The following LINC00632 variants were observed in gnomAD, a reference collection of about 807,000 sequenced individuals.
The protein encoded by LINC00632 is ALDOA related specific transcript.
At chrX:140,787,457 T>A (rs1932035022) in exon 5 of LINC00632, among the ~76,000 whole-genome samples, 1 of 111,877 alleles carries the variant, frequency 8.9e-6, no homozygotes, top group Admixed American at 9.6e-5. Flanking sequence ...TATAAAAACT[T>A]CTGTGATCAG....
At chrX:140,755,751 GC>G (rs1931482924) in intron 3 of LINC00632, among the ~76,000 whole-genome samples, 1 of 111,280 alleles carries the variant, frequency 9.0e-6, no homozygotes, top group Non-Finnish European at 1.9e-5. Flanking sequence ...CTTAGACTCA[GC>G]CTATCTCCAT....
chrX:140,724,924 C>T (rs1930906175), intron 2 of LINC00632, among the ~76,000 whole-genome samples: 1 of 46,013 alleles, frequency 2.2e-5, no homozygotes, highest in Non-Finnish European at 4.1e-5. Flanking sequence ...TACACATACA[C>T]ATTCCGTATA....
chrX:140,731,738 G>A (rs1336102691), intron 2 of LINC00632, among the ~76,000 whole-genome samples: 1 of 64,292 alleles, frequency 1.6e-5, no homozygotes, highest in African/African-American at 1.5e-4. Context: ...GTAAACATAA[G>A]GACAAAACGT....
exon 5 of LINC00632, chrX:140,783,677 T>G: frequency 8.3e-7 from 1 of 1,211,358 alleles, no homozygotes; most frequent in Non-Finnish European, 1.1e-6. Context: ...AGTCAGTCAG[T>G]GTCTTCCAGA....
intron 2 of LINC00632, among the ~76,000 whole-genome samples, chrX:140,728,448 T>G (rs745397342): frequency 3.2e-4 from 35 of 109,010 alleles, no homozygotes; most frequent in African/African-American, 1.2e-3. Context: ...CAAAAAACCA[T>G]GTGCCCCCCA....
intron 3 of LINC00632, among the ~76,000 whole-genome samples, chrX:140,753,332 T>C (rs1335579818): frequency 8.9e-6 from 1 of 112,140 alleles, no homozygotes; most frequent in African/African-American, 3.2e-5. Flanking sequence ...CAAATATCTA[T>C]GGGCACTTTC....
chrX:140,783,034 C>T (rs1931957041), exon 5 of LINC00632: 1 of 113,975 alleles, frequency 8.8e-6, no homozygotes, highest in Non-Finnish European at 1.8e-5. Context: ...CCAGAGATTT[C>T]AGTGTCTATG....
exon 5 of LINC00632, among the ~76,000 whole-genome samples, chrX:140,787,319 T>C (rs962079603): frequency 8.9e-6 from 1 of 111,855 alleles, no homozygotes; most frequent in Non-Finnish European, 1.9e-5. Context: ...TATTTCTTTC[T>C]TACACTTAAT....
chrX:140,755,166 C>A (rs1009274953), intron 3 of LINC00632, among the ~76,000 whole-genome samples: 1 of 111,939 alleles, frequency 8.9e-6, no homozygotes, highest in Admixed American at 9.5e-5. Context: ...AACTTCCTGA[C>A]ACTACAGGTG....
At chrX:140,778,722 G>C (rs574930897) in exon 5 of LINC00632, among the ~76,000 whole-genome samples, 41 of 110,777 alleles carry the variant, frequency 3.7e-4, no homozygotes, top group Non-Finnish European at 7.7e-4. Context: ...AGAAATAAAA[G>C]GTTAAATTGA....
intron 3 of LINC00632, among the ~76,000 whole-genome samples, chrX:140,744,800 C>A (rs1177159416): frequency 1.8e-5 from 2 of 110,205 alleles, no homozygotes; most frequent in African/African-American, 6.6e-5. Context: ...GAACTCCTGA[C>A]CTTGTGATCC....
chrX:140,711,261 C>T (rs1459145559), intron 1 of LINC00632, among the ~76,000 whole-genome samples: 4 of 110,842 alleles, frequency 3.6e-5, no homozygotes, highest in African/African-American at 1.3e-4. Flanking sequence ...TAAAAATTAC[C>T]CATAATCCCG....
At chrX:140,787,843 A>C (rs1932039190) in exon 5 of LINC00632, among the ~76,000 whole-genome samples, 1 of 110,500 alleles carries the variant, frequency 9.0e-6, no homozygotes, top group Non-Finnish European at 1.9e-5. Flanking sequence ...AAAACTAAAT[A>C]CCTTCGGGAA....
chrX:140,784,421 G>T, exon 5 of LINC00632: 1 of 1,167,183 alleles, frequency 8.6e-7, no homozygotes. Context: ...ACTAAGCTAC[G>T]TCTTCCAACA....
At chrX:140,758,971 T>C (rs1316625761) in intron 3 of LINC00632, among the ~76,000 whole-genome samples, 1 of 103,870 alleles carries the variant, frequency 9.6e-6, no homozygotes, top group East Asian at 3.0e-4. Context: ...TTTCTTTTTT[T>C]TTTTTTTTTT....
intron 3 of LINC00632, among the ~76,000 whole-genome samples, chrX:140,768,828 T>TTA (rs953593228): frequency 8.8e-5 from 9 of 102,229 alleles, no homozygotes; most frequent in Non-Finnish European, 1.8e-4. Flanking sequence ...TTTGTATATA[T>TTA]TATATATATA....
At chrX:140,786,568 CTT>C (rs1179757183) in exon 5 of LINC00632, among the ~76,000 whole-genome samples, 1 of 111,257 alleles carries the variant, frequency 9.0e-6, no homozygotes, top group African/African-American at 3.3e-5. Context: ...GTTTTGACCT[CTT>C]TATTTTCCCT....
intron 2 of LINC00632, among the ~76,000 whole-genome samples, chrX:140,725,929 T>G (rs1157276332): frequency 9.0e-6 from 1 of 111,384 alleles, no homozygotes; most frequent in Non-Finnish European, 1.9e-5. Flanking sequence ...TGCACAGCAT[T>G]CAGACTCACA....
chrX:140,744,224 C>T (rs1008081994), intron 3 of LINC00632, among the ~76,000 whole-genome samples: 2 of 110,810 alleles, frequency 1.8e-5, no homozygotes, highest in Admixed American at 1.9e-4. Context: ...CTTCCAGCTG[C>T]TTCACAACTT....
Sources: gnomAD v4.1 joint callset for allele counts (sites outside exome capture counted in the v4.1 genomes callset) on GRCh38, gnomAD v4.1.1 for gene constraint, MANE v1.5 for transcripts, NCBI Gene and HGNC (gene_info 2026-07-23, HGNC 2026-07-21) for gene names.